DAAM1: variants seen among roughly 807,000 people sequenced by gnomAD.
DAAM1 encodes the protein dishevelled associated activator of morphogenesis 1.
A neutral mutation model predicts 130.0 loss-of-function variants in DAAM1; 52 were observed. The ratio of observed to expected loss-of-function variants is 0.40; its 90% confidence interval spans 0.32 to 0.50. DAAM1 has a LOEUF of 0.50. Ranked by LOEUF, DAAM1 falls within the 20% of genes least tolerant of loss-of-function variation. The pLI, the probability that DAAM1 is intolerant of heterozygous loss-of-function variation, is 0.61. For synonymous variants in DAAM1, 452 were observed against 444.5 expected (o/e 1.02, Z -0.21); for missense variants, 1,134 against 1,303.8 (o/e 0.87, Z 2.01).
At position 59,363,580 on chromosome 14, in the gene DAAM1, A is replaced by G. The variant is rs1886796025; in HGVS notation, c.2695-71A>G. 15 of 1,588,968 alleles carry G rather than the reference A, an allele frequency of 9.4e-6. No homozygotes were observed. In the South Asian group the frequency reaches 1.4e-4, roughly 14 times the overall value. ...ATTTATTAAATTTAAGGCATGTGAA[A>G]TATGAGACGAGGTGTGTCTCATGTC... On this transcript the variant is annotated intron_variant, in intron 22 of 24. Transcript: ENST00000360909.
chr14:59,289,442 C>T (rs1379621242), intron 2 of DAAM1, among the ~76,000 whole-genome samples: 1 of 151,978 alleles, frequency 6.6e-6, no homozygotes, highest in East Asian at 1.9e-4. Context: ...GATATCATAC[C>T]ATCAGAATGG....
At chr14:59,326,874 C>A (rs1885222307) in intron 11 of DAAM1, 59 bp from the exon 12 acceptor site, 1 of 1,597,292 alleles carries the variant, frequency 6.3e-7, no homozygotes, top group Admixed American at 1.7e-5. Flanking sequence ...GGGGAGAATG[C>A]AGTTAGCAGT....
chr14:59,189,775 G>A (rs1253746489), intron 1 of DAAM1, among the ~76,000 whole-genome samples: 2 of 152,162 alleles, frequency 1.3e-5, no homozygotes, highest in South Asian at 2.1e-4. Context: ...GCCTTTCCTA[G>A]TACCTTCATT....
chr14:59,209,803 G>A (rs1026436510), intron 1 of DAAM1, among the ~76,000 whole-genome samples: 8 of 152,086 alleles, frequency 5.3e-5, no homozygotes, highest in Admixed American at 3.3e-4. Flanking sequence ...ACATCTATAT[G>A]ACCAAATCAT....
At chr14:59,321,419 A>T (rs755360348) in intron 5 of DAAM1, among the ~76,000 whole-genome samples, 17 of 152,230 alleles carry the variant, frequency 1.1e-4, no homozygotes, top group Non-Finnish European at 2.1e-4. Flanking sequence ...ACACTTTAAA[A>T]GGGTGAATTT....
At chr14:59,317,143 A>G (rs1199163013) in intron 4 of DAAM1, among the ~76,000 whole-genome samples, 6 of 152,204 alleles carry the variant, frequency 3.9e-5, no homozygotes, top group Non-Finnish European at 8.8e-5. Flanking sequence ...CCTTCCCAAG[A>G]GCACCACAAG....
chr14:59,245,643 A>G (rs1881335921), intron 1 of DAAM1, among the ~76,000 whole-genome samples: 1 of 152,228 alleles, frequency 6.6e-6, no homozygotes, highest in Non-Finnish European at 1.5e-5. Context: ...CATTTAGGTG[A>G]AAGTGAGCAC....
At chr14:59,281,110 A>T (rs1883195678) in intron 2 of DAAM1, among the ~76,000 whole-genome samples, 1 of 152,146 alleles carries the variant, frequency 6.6e-6, no homozygotes, top group Non-Finnish European at 1.5e-5. Context: ...AAACCAAAAC[A>T]TACCTGCTAT....
intron 1 of DAAM1, among the ~76,000 whole-genome samples, chr14:59,196,430 A>G (rs372946735): frequency 1.3e-5 from 2 of 152,224 alleles, no homozygotes; most frequent in East Asian, 3.9e-4. Context: ...CTAAATCCCC[A>G]GAATGTACTA....
At chr14:59,224,854 T>C (rs1888886934) in intron 1 of DAAM1, among the ~76,000 whole-genome samples, 1 of 152,138 alleles carries the variant, frequency 6.6e-6, no homozygotes, top group Non-Finnish European at 1.5e-5. Context: ...ATGAATGGGA[T>C]TAGTGTACTT....
intron 1 of DAAM1, among the ~76,000 whole-genome samples, chr14:59,215,823 C>T (rs1888560086): frequency 6.6e-6 from 1 of 152,168 alleles, no homozygotes; most frequent in South Asian, 2.1e-4. Context: ...CTTCTCGCTA[C>T]AATTGATTGC....
intron 1 of DAAM1, among the ~76,000 whole-genome samples, chr14:59,245,350 A>G (rs1881323112): frequency 2.0e-5 from 3 of 152,188 alleles, no homozygotes; most frequent in Admixed American, 2.0e-4. Context: ...AGTTTGGGTC[A>G]GAAGCCATGA....
intron 2 of DAAM1, among the ~76,000 whole-genome samples, chr14:59,288,696 G>A (rs1260275807): frequency 6.6e-6 from 1 of 152,124 alleles, no homozygotes; most frequent in African/African-American, 2.4e-5. Context: ...AACTACCTGA[G>A]ACTGGGCAAT....
intron 1 of DAAM1, among the ~76,000 whole-genome samples, chr14:59,196,944 G>A (rs1307687189): frequency 4.0e-5 from 6 of 151,866 alleles, no homozygotes; most frequent in East Asian, 2.0e-4. Flanking sequence ...TTTTTGAGAC[G>A]GAGTCTCGCT....
intron 2 of DAAM1, among the ~76,000 whole-genome samples, chr14:59,283,602 C>T (rs1300253814): frequency 6.6e-6 from 1 of 152,104 alleles, no homozygotes; most frequent in Non-Finnish European, 1.5e-5. Flanking sequence ...AGTACAGTTG[C>T]CACCTCTGTG....
At position 59,203,284 on chromosome 14, in the gene DAAM1, A is replaced by G. The variant is rs568961839; in HGVS notation, c.-38+14516A>G. On this transcript the variant is annotated intron_variant, in intron 1 of 24. Transcript: ENST00000360909. Reference sequence around the variant, plus strand: ...TGGCCTCCCAAAGTGCTGGGATTACAGGCGTGAATAGCTTTCTTTTGGAGA... The same window carrying G: ...TGGCCTCCCAAAGTGCTGGGATTACGGGCGTGAATAGCTTTCTTTTGGAGA... Among the ~76,000 whole-genome samples the G allele has an allele frequency of 1.8e-4, 27 of 151,208 alleles. No homozygotes were observed. The South Asian group carries it at 5.6e-3, about 32-fold the overall frequency.
intron 1 of DAAM1, among the ~76,000 whole-genome samples, chr14:59,206,104 G>A (rs1037842790): frequency 6.6e-5 from 10 of 151,820 alleles, no homozygotes; most frequent in Admixed American, 2.0e-4. Context: ...TTCTCCCACC[G>A]TGGCCTCCCA....
chr14:59,224,442 C>G (rs1888873244), intron 1 of DAAM1, among the ~76,000 whole-genome samples: 2 of 152,172 alleles, frequency 1.3e-5, no homozygotes, highest in Admixed American at 1.3e-4. Context: ...TACTGTTTTC[C>G]TAGGTAGAGG....
intron 4 of DAAM1, among the ~76,000 whole-genome samples, chr14:59,318,195 C>T (rs185805909): frequency 3.4e-4 from 51 of 152,032 alleles, no homozygotes; most frequent in African/African-American, 1.1e-3. Flanking sequence ...CATGCTTTCT[C>T]AAGGAGGAAG....
Sources: allele counts gnomAD v4.1 joint callset (sites outside exome capture counted in the v4.1 genomes callset), GRCh38; gene constraint gnomAD v4.1.1; transcripts MANE v1.5; gene names NCBI Gene and HGNC (gene_info 2026-07-23, HGNC 2026-07-21).